CD6: variants seen among roughly 807,000 people sequenced by gnomAD.
CD6 encodes the protein T-cell differentiation antigen CD6.
In CD6, 53 loss-of-function variants were observed where a neutral mutation model predicts 75.3. That is an observed-to-expected ratio of 0.70 (90% CI 0.56 to 0.88). The LOEUF (loss-of-function observed/expected upper bound fraction) is 0.88. Among genes scored for constraint, CD6 ranks in the 40% least tolerant of loss-of-function variants. The pLI is 0.00. For missense variants in CD6, 770 were observed against 897.1 expected, an observed-to-expected ratio of 0.86 and a Z score of 1.81; for synonymous variants, 359 against 381.5, an observed-to-expected ratio of 0.94 and a Z score of 0.69.
chr11:60,982,849 C>T (rs1857631555), intron 1 of CD6: 1 of 414,034 alleles, frequency 2.4e-6, no homozygotes, highest in Admixed American at 2.6e-5. Flanking sequence ...CTTTCCAGGG[C>T]CTCTTCCCAC....
Position 60,995,072 on chromosome 11 carries a change from C to T in CD6, c.50-11502C>T, listed in dbSNP as rs746155711. Reference sequence around the variant, plus strand: ...TCCAAGTCCCCTCAAAGGTTGAACACATTTATCCCCTCCCAATTGAATTAT... The same window carrying T: ...TCCAAGTCCCCTCAAAGGTTGAACATATTTATCCCCTCCCAATTGAATTAT... On this transcript the variant is annotated intron_variant, in intron 1 of 12. Coordinates refer to ENST00000313421, the MANE Select transcript of CD6 (RefSeq NM_006725.5). Among the ~76,000 whole-genome samples the T allele has an allele frequency of 1.1e-4, 17 of 152,128 alleles. 1 individual carries two copies. The highest frequency in any genetic ancestry group is 1.6e-4 in the Non-Finnish European group (11 of 68,026).
At chr11:60,986,314 A>G (rs1857814926) in intron 1 of CD6, among the ~76,000 whole-genome samples, 1 of 152,194 alleles carries the variant, frequency 6.6e-6, no homozygotes. Flanking sequence ...CTTCAGTCTC[A>G]CCAGCAGGAA....
At chr11:60,972,025 C>A in intron 1 of CD6, 111 bp downstream of exon 1, 1 of 1,109,516 alleles carries the variant, frequency 9.0e-7, no homozygotes, top group Non-Finnish European at 1.3e-6. Context: ...GATCTTTTAG[C>A]CAAGACTACA....
intron 12 of CD6, 115 bp downstream of exon 12, chr11:61,018,508 A>C (rs1054955038): frequency 3.6e-6 from 3 of 826,328 alleles, no homozygotes; most frequent in Non-Finnish European, 5.7e-6. Context: ...GGAAGGGTAA[A>C]AGAAGAGAGG....
Position 61,007,761 on chromosome 11 carries a change from C to G in CD6, c.320C>G (p.Pro107Arg). 2 of 1,460,114 alleles carry G rather than the reference C, an allele frequency of 1.4e-6. No homozygotes were observed. Among genetic ancestry groups the G allele is most frequent in the South Asian group, 2.7e-5 (2 of 74,336 alleles). The allele number at this position is 1,460,114 out of a possible 1,614,324, so 90.4% of individuals were successfully genotyped here. Residue 107 changes from proline to arginine, a missense_variant, in exon 3 of 13, where the codon CCG becomes CGG. By Grantham distance (103) the Pro-to-Arg change is moderately radical (BLOSUM62 -2). Coordinates refer to ENST00000313421, the MANE Select transcript of CD6 (RefSeq NM_006725.5). This position sits in a 1 kb window ranked among gnomAD's most constrained non-coding sequence, Gnocchi z 4.2. ...CCGCCGACCCCTGAGCTGCCGCCCC[C>G]GCCTGCAGCCGGGAACACCAGCGTA... ...LAPPTPELPP[P>R]PAAGNTSVAA... is the part of the protein sequence containing the mutation.
chr11:60,982,590 G>A (rs1857615195), intron 1 of CD6: 4 of 456,088 alleles, frequency 8.8e-6, no homozygotes, highest in Middle Eastern at 3.3e-4. Flanking sequence ...GTGTGCTCTC[G>A]TTTTGCCTCC....
At chr11:61,008,172 C>T (rs1290266652) in intron 3 of CD6, among the ~76,000 whole-genome samples, 1 of 152,164 alleles carries the variant, frequency 6.6e-6, no homozygotes, top group African/African-American at 2.4e-5. Context: ...AAAGCTAACC[C>T]GGTCTCTAAC....
At position 60,971,711 on chromosome 11, in the gene CD6, C is replaced by G. The variant is rs986561922; in HGVS notation, c.-155C>G. The G allele has an allele frequency of 1.0e-5, 7 of 687,524 alleles. No individual in the cohort carries two copies. Among genetic ancestry groups the G allele is most frequent in the African/African-American group, 3.6e-5 (2 of 56,070 alleles). The allele number at this position is 687,524 out of a possible 1,614,324, so 42.6% of individuals were successfully genotyped here. Reference sequence around the variant, plus strand: ...AGGTTGGGTTTGATCGCATGCGTGTCGGAGAGGAGAGAGCAGAGAGAGACA... The same window carrying G: ...AGGTTGGGTTTGATCGCATGCGTGTGGGAGAGGAGAGAGCAGAGAGAGACA... On this transcript the variant is annotated 5_prime_UTR_variant, in exon 1 of 13. Transcript: ENST00000313421.
intron 1 of CD6, among the ~76,000 whole-genome samples, chr11:60,995,716 T>C (rs1858264942): frequency 1.3e-5 from 2 of 152,028 alleles, no homozygotes; most frequent in African/African-American, 4.8e-5. Context: ...GTGAGACTAT[T>C]AAGTCTCATC....
At position 61,019,355 on chromosome 11, in the gene CD6, C is replaced by T. The variant is rs753527665; in HGVS notation, c.*37C>T. On this transcript the variant is annotated 3_prime_UTR_variant, in exon 13 of 13. Transcript: ENST00000313421. ...CCGAGGCTCCTGGGGTGGCTCTGAC[C>T]CTCTGGCCTCCTGCTCTACCTACTC... 3 of 1,525,160 alleles carry T rather than the reference C, an allele frequency of 2.0e-6. No homozygotes were observed. The highest frequency in any genetic ancestry group is 1.1e-5 in the South Asian group (1 of 88,592). The allele number at this position is 1,525,160 out of a possible 1,614,324, so 94.5% of individuals were successfully genotyped here. A position where few individuals can be genotyped will look rare whatever the true frequency, so the allele number is the denominator to read the frequency against.
chr11:61,012,876 G>A (rs764142590), intron 6 of CD6, among the ~76,000 whole-genome samples: 1 of 152,214 alleles, frequency 6.6e-6, no homozygotes, highest in African/African-American at 2.4e-5. Flanking sequence ...GCCAGAGGTG[G>A]CTCAGAGTCA....
intron 6 of CD6, 56 bp from the exon 7 acceptor site, chr11:61,013,367 G>T: frequency 1.9e-6 from 3 of 1,595,880 alleles, no homozygotes; most frequent in South Asian, 2.2e-5. Flanking sequence ...GGAAAGGCAA[G>T]AAGAAGGGTG....
At chr11:60,986,028 A>G (rs1857800266) in intron 1 of CD6, among the ~76,000 whole-genome samples, 1 of 152,196 alleles carries the variant, frequency 6.6e-6, no homozygotes, top group Admixed American at 6.5e-5. Flanking sequence ...CCATTTAACC[A>G]TGGAGAAACT....
At chr11:61,004,857 A>G (rs1644525125) in intron 1 of CD6, among the ~76,000 whole-genome samples, 2 of 152,222 alleles carry the variant, frequency 1.3e-5, no homozygotes, top group Admixed American at 1.3e-4. Flanking sequence ...TCAACAGGGA[A>G]GACGTAAATG....
intron 1 of CD6, among the ~76,000 whole-genome samples, chr11:60,983,381 T>C (rs575852504): frequency 4.7e-4 from 71 of 152,280 alleles, no homozygotes; most frequent in Middle Eastern, 3.4e-3. Flanking sequence ...CGCGAGCCAC[T>C]GCACCTGGCC....
intron 1 of CD6, 73 bp downstream of exon 1, chr11:60,971,987 G>C (rs112331536): frequency 6.7e-7 from 1 of 1,486,918 alleles, no homozygotes; most frequent in Non-Finnish European, 9.3e-7. Flanking sequence ...TCCCCTTTCT[G>C]GTTGTTTCCT....
At chr11:60,994,230 T>C (rs1033668989) in intron 1 of CD6, among the ~76,000 whole-genome samples, 1 of 151,954 alleles carries the variant, frequency 6.6e-6, no homozygotes, top group Non-Finnish European at 1.5e-5. Flanking sequence ...TGCTTGAGCT[T>C]AGGAGTTTGC....
intron 9 of CD6, among the ~76,000 whole-genome samples, chr11:61,016,687 A>G (rs2134502563): frequency 6.6e-6 from 1 of 152,372 alleles, no homozygotes; most frequent in East Asian, 1.9e-4. Flanking sequence ...CCCAGCACCC[A>G]GAACGAAAAC....
At position 61,008,627 on chromosome 11, in the gene CD6, A is replaced by T; in HGVS notation, c.563A>T (p.Asp188Val). 6.2e-7 allele frequency: 1 copy of T among 1,608,440 alleles called. No homozygotes were observed. The highest frequency in any genetic ancestry group is 8.5e-7 in the Non-Finnish European group (1 of 1,177,954). Residue 188 changes from aspartate (D) to valine (V), a missense_variant, in exon 4 of 13, where the codon GAC becomes GTC. Coordinates refer to ENST00000313421, the MANE Select transcript of CD6 (RefSeq NM_006725.5). ...GGCGAGTGGGGATCAGTGTGCGATG[A>T]CACTTGGGACCTGGAGGACGCCCAC... ...EHGEWGSVCD[D>V]TWDLEDAHVV...
Sources: gnomAD v4.1 joint callset for allele counts (sites outside exome capture counted in the v4.1 genomes callset) on GRCh38, gnomAD v4.1.1 for gene constraint, Gnocchi (gnomAD v3.1) non-coding constraint, MANE v1.5 for transcripts, NCBI Gene and HGNC (gene_info 2026-07-23, HGNC 2026-07-21) for gene names.